Variants in ZNF92 observed in about 807,000 individuals in gnomAD.
The protein encoded by ZNF92 is epididymis luminal protein 203.
ZNF92 carries 11 observed loss-of-function variants against 12.4 expected under a neutral mutation model. That is an observed-to-expected ratio of 0.89 (90% confidence interval 0.56 to 1.47). ZNF92 has a LOEUF of 1.47. ZNF92 is among the 40% of genes most tolerant of loss of function. The pLI is 0.00. For synonymous variants in ZNF92, 206 were observed against 228.6 expected (o/e 0.90, Z 0.89); for missense variants, 622 against 681.0 (o/e 0.91, Z 0.96).
chr7:65,379,241 G>C (rs193193187), intron 1 of ZNF92, among the ~76,000 whole-genome samples: 2 of 152,128 alleles, frequency 1.3e-5, no homozygotes, highest in East Asian at 1.9e-4. Context: ...ATCAGGGTCC[G>C]TGCAGACTCT....
At position 65,388,188 on chromosome 7, in the gene ZNF92, A is replaced by T. The variant is rs1007201925; in HGVS notation, c.130+160A>T. 5 of 701,766 alleles carry T rather than the reference A, an allele frequency of 7.1e-6. No individual in the cohort carries two copies. In the African/African-American group the frequency reaches 9.4e-5, roughly 13 times the overall value. 43.5% of individuals were successfully genotyped at this position (701,766 alleles called of 1,614,324 possible). A position where few individuals can be genotyped will look rare whatever the true frequency, so the allele number is the denominator to read the frequency against. ...CAGTATAGAAAAGAACTTCTTCAAG[A>T]TGTTTCATTTTGACCTGAACTCTCC... On this transcript the variant is annotated intron_variant, in intron 2 of 3. Transcript: ENST00000328747.
intron 1 of ZNF92, among the ~76,000 whole-genome samples, chr7:65,378,293 C>CAAAAAAAAAA (rs56220414): frequency 6.8e-6 from 1 of 147,072 alleles, no homozygotes. Flanking sequence ...GACTCTGTCT[C>CAAAAAAAAAA]AAAAAAAAAA....
intron 3 of ZNF92, among the ~76,000 whole-genome samples, chr7:65,392,044 G>A (rs17139526): frequency 0.037 from 5,663 of 151,992 alleles, 185 homozygotes; most frequent in East Asian, 0.15. Context: ...TTGTTTTTAC[G>A]GTTTTAGCAA....
At chr7:65,392,806 G>T (rs1793749406) in intron 3 of ZNF92, among the ~76,000 whole-genome samples, 1 of 151,968 alleles carries the variant, frequency 6.6e-6, no homozygotes. Context: ...AAAAGTGCTG[G>T]GATTACAGGA....
intron 1 of ZNF92, 144 bp downstream of exon 1, chr7:65,374,144 A>AG (rs1285924322): frequency 1.7e-6 from 2 of 1,162,826 alleles, no homozygotes; most frequent in East Asian, 2.5e-5. Flanking sequence ...CTCGGCCCTC[A>AG]GTCTCCTTCA....
At chr7:65,388,719 T>C in intron 2 of ZNF92, 87 bp from the exon 3 acceptor site, 1 of 1,005,198 alleles carries the variant, frequency 9.9e-7, no homozygotes, top group South Asian at 1.5e-5. Context: ...TAGATTAATC[T>C]ATTGCATCCT....
At chr7:65,386,517 A>C (rs1338434296) in intron 1 of ZNF92, among the ~76,000 whole-genome samples, 1 of 152,120 alleles carries the variant, frequency 6.6e-6, no homozygotes, top group African/African-American at 2.4e-5. Flanking sequence ...TTGAGGTTTC[A>C]TCTGTCTTCT....
intron 1 of ZNF92, among the ~76,000 whole-genome samples, chr7:65,378,444 G>A (rs1793309192): frequency 1.3e-5 from 2 of 151,932 alleles, no homozygotes; most frequent in African/African-American, 2.4e-5. Flanking sequence ...AGTAAAGTCT[G>A]ATTAAGAAGT....
Position 65,390,728 on chromosome 7 carries a change from G to A in ZNF92, c.226+1827G>A, listed in dbSNP as rs1191343428. 2.0e-5 allele frequency among the ~76,000 whole-genome samples: 3 copies of A among 152,030 alleles called. No homozygotes were observed. The East Asian group carries it at 5.8e-4, about 29-fold the overall frequency. On this transcript the variant is annotated intron_variant, in intron 3 of 3. Transcript: ENST00000328747. ...TGAGTACCAGAGAGGATTTCCCCAG[G>A]CCACTGTGTAGGTTTCTGTGTAGAT...
intron 1 of ZNF92, among the ~76,000 whole-genome samples, chr7:65,376,275 T>C (rs1440355070): frequency 6.6e-6 from 1 of 152,048 alleles, no homozygotes; most frequent in Non-Finnish European, 1.5e-5. Flanking sequence ...AATATTTTTT[T>C]TTACTTATTT....
chr7:65,379,447 C>T (rs1025460800), intron 1 of ZNF92, among the ~76,000 whole-genome samples: 1 of 152,052 alleles, frequency 6.6e-6, no homozygotes, highest in African/African-American at 2.4e-5. Flanking sequence ...CCTAGGATTC[C>T]AGGTCTCCTG....
At chr7:65,390,480 A>G (rs1282888080) in intron 3 of ZNF92, among the ~76,000 whole-genome samples, 2 of 152,034 alleles carry the variant, frequency 1.3e-5, no homozygotes, top group African/African-American at 2.4e-5. Flanking sequence ...TTTGTAGTGG[A>G]GAGGGGTGTA....
chr7:65,399,531 A>G lies in ZNF92; in HGVS notation c.1417A>G (p.Ile473Val), dbSNP rs1793953183. ...SVFSTLTKHK[I>V]IHTREKPYKC... The stretch of plus-strand genomic sequence containing the variant: ...ATTCTCAACCCTTACTAAACATAAA[A>G]TAATTCATACTAGAGAAAAACCCTA... Residue 473 changes from isoleucine to valine, a missense_variant, in exon 4 of 4, where the codon ATA becomes GTA. Transcript: ENST00000328747. The G allele has an allele frequency of 9.9e-6, 16 of 1,613,354 alleles. 1 individual carries two copies. The highest frequency in any genetic ancestry group is 3.3e-5 in the South Asian group (3 of 91,030).
intron 3 of ZNF92, among the ~76,000 whole-genome samples, chr7:65,393,592 A>G (rs1448001573): frequency 6.6e-6 from 1 of 152,124 alleles, no homozygotes; most frequent in African/African-American, 2.4e-5. Flanking sequence ...TTTTAAAATA[A>G]TGGCTACATC....
intron 3 of ZNF92, among the ~76,000 whole-genome samples, chr7:65,397,633 C>T (rs1793876212): frequency 6.6e-6 from 1 of 151,936 alleles, no homozygotes; most frequent in Non-Finnish European, 1.5e-5. Context: ...TATTATGTAG[C>T]CTTGTCCTGG....
chr7:65,393,483 T>C (rs1359848723), intron 3 of ZNF92, among the ~76,000 whole-genome samples: 1 of 152,144 alleles, frequency 6.6e-6, no homozygotes, highest in South Asian at 2.1e-4. Flanking sequence ...TCAAATATAT[T>C]TTTAAGATCC....
At position 65,398,733 on chromosome 7, in the gene ZNF92, G is replaced by A. The variant is rs559661012; in HGVS notation, c.619G>A (p.Gly207Ser). 1 of 1,612,656 alleles carries A rather than the reference G, an allele frequency of 6.2e-7. No homozygotes were observed. Among genetic ancestry groups the A allele is most frequent in the African/African-American group, 1.3e-5 (1 of 74,962 alleles). The change falls in exon 4 of 4, where the codon GGT becomes AGT. Residue 207 changes from glycine (G) to serine (S), a missense_variant. Coordinates refer to ENST00000328747, the MANE Select transcript of ZNF92 (RefSeq NM_152626.4). Reference protein sequence around the residue: ...REYSYKCEECGKAFNWSSTLT... With the variant: ...REYSYKCEECSKAFNWSSTLT... The stretch of plus-strand genomic sequence containing the variant: ...GTATTCTTACAAATGTGAAGAATGT[G>A]GTAAAGCCTTTAACTGGTCCTCAAC...
Position 65,399,888 on chromosome 7 carries a change from T to C in ZNF92, c.*13T>C. On this transcript the variant is annotated 3_prime_UTR_variant, in exon 4 of 4. Coordinates refer to ENST00000328747, the MANE Select transcript of ZNF92 (RefSeq NM_152626.4). ...ACTACAAACCTGAAAGATGTGACAA[T>C]GATTTTCACTACACCTCAAACTTTT... 5.2e-6 allele frequency: 8 copies of C among 1,541,524 alleles called. No homozygotes were observed. Among genetic ancestry groups the C allele is most frequent in the Non-Finnish European group, 7.0e-6 (8 of 1,147,500 alleles).
intron 3 of ZNF92, among the ~76,000 whole-genome samples, chr7:65,396,738 C>T (rs1157954918): frequency 1.3e-5 from 2 of 152,074 alleles, no homozygotes; most frequent in Admixed American, 6.5e-5. Flanking sequence ...TGATCTTGAA[C>T]TCCTGGTCTC....
Sources: allele counts gnomAD v4.1 joint callset (sites outside exome capture counted in the v4.1 genomes callset), GRCh38; gene constraint gnomAD v4.1.1; transcripts MANE v1.5; gene names NCBI Gene and HGNC (gene_info 2026-07-23, HGNC 2026-07-21).